Variants in CDKAL1 observed in about 807,000 individuals in gnomAD.
The protein encoded by CDKAL1 is CDKAL1 threonylcarbamoyladenosine tRNA methylthiotransferase.
A neutral mutation model predicts 68.2 loss-of-function variants in CDKAL1; 32 were observed. The observed-to-expected ratio is 0.47, with a 90% confidence interval of 0.35 to 0.63. The LOEUF (loss-of-function observed/expected upper bound fraction) is 0.63. Ranked by LOEUF, CDKAL1 falls within the 30% of genes least tolerant of loss-of-function variation. The probability of loss-of-function intolerance (pLI) is 0.00; values close to 1 mark genes in which losing one functional copy is unlikely to be tolerated. For synonymous variants in CDKAL1, 234 were observed against 244.3 expected (o/e 0.96, Z 0.39); for missense variants, 606 against 696.7 (o/e 0.87, Z 1.47).
chr6:20,853,533 AATAC>A lies in CDKAL1; in HGVS notation c.742+7359_742+7362del, dbSNP rs1344631729. Among the ~76,000 whole-genome samples, 3 of 152,322 alleles carry A rather than the reference AATAC, an allele frequency of 2.0e-5. No individual in the cohort carries two copies. In the East Asian group the frequency reaches 5.8e-4, roughly 29 times the overall value. ...CTTCTGGTTCTGTGTCTAATATGTTAATACATATTGTCAATCCATAAAAGAAGGA... is the reference window on the plus strand; with the variant it reads ...CTTCTGGTTCTGTGTCTAATATGTTAATATTGTCAATCCATAAAAGAAGGA... On this transcript the variant is annotated intron_variant, in intron 9 of 15. Coordinates refer to ENST00000274695, the MANE Select transcript of CDKAL1 (RefSeq NM_017774.3).
intron 4 of CDKAL1, among the ~76,000 whole-genome samples, chr6:20,554,635 C>A (rs1046435375): frequency 6.6e-6 from 1 of 152,162 alleles, no homozygotes; most frequent in Non-Finnish European, 1.5e-5. Flanking sequence ...GATTCTTACA[C>A]GTTTTTGGTC....
chr6:21,065,208 G>T lies in CDKAL1; in HGVS notation c.1216G>T (p.Glu406Ter). ...PRPGTPAAKM[E>*]QVPAQVKKQR... ...ACCAGGAACTCCTGCTGCAAAAATG[G>T]AACAAGTTCCAGCACAAGTGGTAAG... The change falls in exon 12 of 16, where the codon GAA (glutamate) becomes TAA (stop). Residue 406 changes from glutamate to a stop codon, truncating the protein, a stop_gained. Transcript: ENST00000274695. LOFTEE classifies it high-confidence loss of function. 6.2e-7 allele frequency: 1 copy of T among 1,608,652 alleles called. No individual in the cohort carries two copies. Among genetic ancestry groups the T allele is most frequent in the South Asian group, 1.1e-5 (1 of 88,786 alleles).
intron 9 of CDKAL1, among the ~76,000 whole-genome samples, chr6:20,947,470 A>G (rs1043839644): frequency 1.3e-5 from 2 of 152,136 alleles, no homozygotes; most frequent in African/African-American, 4.8e-5. Flanking sequence ...ATGTACCTGT[A>G]GTTCCAGCTA....
At chr6:20,604,830 G>A (rs1055634868) in intron 4 of CDKAL1, among the ~76,000 whole-genome samples, 1 of 152,180 alleles carries the variant, frequency 6.6e-6, no homozygotes, top group Non-Finnish European at 1.5e-5. Context: ...GGATTCAAGG[G>A]GTAAGTGAGA....
intron 9 of CDKAL1, among the ~76,000 whole-genome samples, chr6:20,925,404 T>C (rs1763142071): frequency 6.6e-6 from 1 of 152,230 alleles, no homozygotes; most frequent in South Asian, 2.1e-4. Flanking sequence ...CAGTAGACTT[T>C]GTCATGTGAA....
chr6:21,003,613 A>T (rs1767572850), intron 11 of CDKAL1, among the ~76,000 whole-genome samples: 1 of 151,900 alleles, frequency 6.6e-6, no homozygotes, highest in South Asian at 2.1e-4. Context: ...TATTTTAAAT[A>T]GTTCTTATGT....
intron 8 of CDKAL1, among the ~76,000 whole-genome samples, chr6:20,820,553 A>C (rs181249773): frequency 6.6e-6 from 1 of 152,178 alleles, no homozygotes; most frequent in Non-Finnish European, 1.5e-5. Flanking sequence ...TACCCTGTCC[A>C]TGTGCATAGT....
chr6:20,740,102 T>C (rs1242206173), intron 6 of CDKAL1, among the ~76,000 whole-genome samples: 1 of 152,238 alleles, frequency 6.6e-6, no homozygotes, highest in Non-Finnish European at 1.5e-5. Flanking sequence ...TAGTTTCTCT[T>C]TGCTTACTGT....
At chr6:20,971,032 A>T (rs1765571143) in intron 10 of CDKAL1, among the ~76,000 whole-genome samples, 1 of 152,120 alleles carries the variant, frequency 6.6e-6, no homozygotes, top group Admixed American at 6.5e-5. Flanking sequence ...CATTTTTAGT[A>T]GAGACGGGGT....
chr6:21,020,666 C>T (rs1444408217), intron 11 of CDKAL1, among the ~76,000 whole-genome samples: 2 of 151,852 alleles, frequency 1.3e-5, no homozygotes, highest in Non-Finnish European at 2.9e-5. Context: ...GGGGTTTCTC[C>T]ATGTTGGTCA....
chr6:20,943,967 G>C (rs2150703158), intron 9 of CDKAL1, among the ~76,000 whole-genome samples: 1 of 152,310 alleles, frequency 6.6e-6, no homozygotes, highest in Middle Eastern at 3.4e-3. Flanking sequence ...GCCCACATCA[G>C]TACTCAGCCA....
intron 9 of CDKAL1, among the ~76,000 whole-genome samples, chr6:20,930,298 G>C (rs946283637): frequency 1.3e-5 from 2 of 151,586 alleles, no homozygotes; most frequent in Admixed American, 6.6e-5. Context: ...TCTATAAAAA[G>C]TATTTTTTTT....
chr6:21,182,547 G>T (rs182029058), intron 13 of CDKAL1, among the ~76,000 whole-genome samples: 8 of 152,250 alleles, frequency 5.3e-5, no homozygotes, highest in African/African-American at 1.7e-4. Context: ...TGTGTGTATG[G>T]TTCTTAAACT....
At chr6:20,853,929 A>G (rs1427348694) in intron 9 of CDKAL1, among the ~76,000 whole-genome samples, 2 of 152,192 alleles carry the variant, frequency 1.3e-5, no homozygotes, top group East Asian at 1.9e-4. Context: ...TTAATTTGCT[A>G]TTACCGCCCT....
intron 10 of CDKAL1, among the ~76,000 whole-genome samples, chr6:20,975,186 A>T (rs1765784657): frequency 1.3e-5 from 2 of 152,184 alleles, no homozygotes; most frequent in Non-Finnish European, 2.9e-5. Flanking sequence ...CCATCCGGCT[A>T]ACTACGAACC....
intron 9 of CDKAL1, among the ~76,000 whole-genome samples, chr6:20,921,132 A>ATT: frequency 6.6e-6 from 1 of 151,940 alleles, no homozygotes; most frequent in Non-Finnish European, 1.5e-5. Context: ...ACCTGTCTTT[A>ATT]AAAAAAATAA....
Position 20,702,334 on chromosome 6 carries a change from G to A in CDKAL1, c.372-37185G>A, listed in dbSNP as rs1010061544. Among the ~76,000 whole-genome samples, 5 of 152,104 alleles carry A rather than the reference G, an allele frequency of 3.3e-5. No homozygotes were observed. The South Asian group carries it at 6.2e-4, about 19-fold the overall frequency. On this transcript the variant is annotated intron_variant, in intron 5 of 15. Transcript: ENST00000274695. ...TACAGGGTGCTTTTTTAGTCTTTCC[G>A]TCTATAGGCTTGTGTTAACCAGCTG...
intron 4 of CDKAL1, among the ~76,000 whole-genome samples, chr6:20,618,967 T>C (rs1202405678): frequency 2.0e-5 from 3 of 152,122 alleles, no homozygotes. Flanking sequence ...GGGTGAGCCA[T>C]TGCACCTGGT....
intron 6 of CDKAL1, among the ~76,000 whole-genome samples, chr6:20,752,668 C>G (rs541172795): frequency 6.6e-6 from 1 of 152,126 alleles, no homozygotes. Context: ...CCCCCTGATC[C>G]CGATCCTTAT....
Sources: gnomAD v4.1 joint callset for allele counts (sites outside exome capture counted in the v4.1 genomes callset) on GRCh38, gnomAD v4.1.1 for gene constraint, MANE v1.5 for transcripts, NCBI Gene and HGNC (gene_info 2026-07-23, HGNC 2026-07-21) for gene names.